Variants in FAAH2 observed in about 807,000 individuals in gnomAD.
FAAH2 encodes the protein fatty-acid amide hydrolase 2.
Under a neutral mutation model 36.9 loss-of-function variants are expected in FAAH2, and 60 were observed. The observed-to-expected ratio is 1.63, with a 90% confidence interval of 1.32 to 2.02. FAAH2 has a LOEUF of 2.02. FAAH2 is among the 30% of genes most tolerant of loss of function. FAAH2 has a pLI of 0.00. For missense variants in FAAH2, 689 were observed against 397.5 expected, an observed-to-expected ratio of 1.73 and a Z score of -6.23; for synonymous variants, 214 against 143.8, an observed-to-expected ratio of 1.49 and a Z score of -3.49.
intron 2 of FAAH2, among the ~76,000 whole-genome samples, chrX:57,304,284 A>G (rs1440289454): frequency 8.9e-6 from 1 of 112,333 alleles, no homozygotes; most frequent in Non-Finnish European, 1.9e-5. Flanking sequence ...TTTCCACTGC[A>G]AAGAACAGAA....
the FAAH2 span, among the ~76,000 whole-genome samples, chrX:57,216,139 G>A: frequency 1.9e-5 from 2 of 107,704 alleles, no homozygotes; most frequent in African/African-American, 6.7e-5. Flanking sequence ...TTGTTTTTCT[G>A]TAAGTTATTG....
chrX:57,467,174 C>T (rs1018568994), intron 10 of FAAH2, among the ~76,000 whole-genome samples: 12 of 111,295 alleles, frequency 1.1e-4, no homozygotes, highest in African/African-American at 2.6e-4. Context: ...CCAGCATGAG[C>T]GACGCAGAAG....
chrX:57,440,483 A>T lies in FAAH2; in HGVS notation c.1117-6445A>T, dbSNP rs552707672. Among the ~76,000 whole-genome samples, 358 of 111,871 alleles carry T rather than the reference A, an allele frequency of 3.2e-3. 2 individuals are homozygous for T. The highest frequency in any genetic ancestry group is 4.6e-3 in the Middle Eastern group (1 of 217). ...TGAGACTTTGCTGAAGTTGCTTATC[A>T]GCTTAAGGAGATTTTGGGCTGATAG... On this transcript the variant is annotated intron_variant, in intron 8 of 10. Transcript: ENST00000374900.
chrX:57,250,525 A>T, the FAAH2 span, among the ~76,000 whole-genome samples: 1 of 111,413 alleles, frequency 9.0e-6, no homozygotes, highest in African/African-American at 3.3e-5. Flanking sequence ...CACCAAAAAA[A>T]ATAGTGCGTT....
At chrX:57,426,106 A>T (rs1228888425) in intron 7 of FAAH2, among the ~76,000 whole-genome samples, 1 of 111,930 alleles carries the variant, frequency 8.9e-6, no homozygotes, top group Non-Finnish European at 1.9e-5. Context: ...ATAGAATGAG[A>T]TAGAAATAAT....
intron 3 of FAAH2, among the ~76,000 whole-genome samples, chrX:57,315,498 CA>C (rs1265530186): frequency 1.8e-5 from 2 of 111,173 alleles, no homozygotes; most frequent in Admixed American, 1.9e-4. Context: ...AACATAAACT[CA>C]AAAATCCTCA....
At chrX:57,268,110 A>T in the FAAH2 span, among the ~76,000 whole-genome samples, 1 of 112,040 alleles carries the variant, frequency 8.9e-6, no homozygotes, top group Non-Finnish European at 1.9e-5. Context: ...ATGATAAAAA[A>T]TTACAGAAGC....
chrX:57,317,007 T>C (rs899176392), intron 3 of FAAH2, among the ~76,000 whole-genome samples: 1 of 111,651 alleles, frequency 9.0e-6, no homozygotes, highest in Admixed American at 9.6e-5. Flanking sequence ...AGGTCTAATA[T>C]CCAGAATCTA....
chrX:57,211,086 A>C, the FAAH2 span, among the ~76,000 whole-genome samples: 1 of 112,249 alleles, frequency 8.9e-6, no homozygotes, highest in Non-Finnish European at 1.9e-5. Context: ...CTGATGAATG[A>C]AATCAATAAA....
chrX:57,241,096 G>A, the FAAH2 span, among the ~76,000 whole-genome samples: 1 of 112,229 alleles, frequency 8.9e-6, no homozygotes, highest in African/African-American at 3.2e-5. Context: ...TCCCCAAGAA[G>A]CTCTTTCTGC....
chrX:57,334,027 T>G (rs1315176972), intron 4 of FAAH2, among the ~76,000 whole-genome samples: 1 of 111,109 alleles, frequency 9.0e-6, no homozygotes, highest in Non-Finnish European at 1.9e-5. Context: ...GAGTCCACTT[T>G]GGGAGGCCAA....
the FAAH2 span, among the ~76,000 whole-genome samples, chrX:57,268,714 G>T: frequency 9.0e-6 from 1 of 111,416 alleles, no homozygotes; most frequent in African/African-American, 3.3e-5. Context: ...TTAAGGAAAA[G>T]AAATTCCAAC....
At chrX:57,217,767 C>G in the FAAH2 span, among the ~76,000 whole-genome samples, 26 of 111,609 alleles carry the variant, frequency 2.3e-4, no homozygotes, top group African/African-American at 7.8e-4. Flanking sequence ...TATATGGGCT[C>G]TTTTTTGTTT....
chrX:57,208,022 G>A, the FAAH2 span, among the ~76,000 whole-genome samples: 5 of 112,619 alleles, frequency 4.4e-5, no homozygotes, highest in Non-Finnish European at 9.4e-5. Context: ...TGTTGATCTG[G>A]GGGGTGTATT....
At chrX:57,126,860 A>C in the FAAH2 span, 6 of 111,787 alleles carry the variant, frequency 5.4e-5, no homozygotes, top group Non-Finnish European at 1.1e-4. Context: ...AGAAGCAGGA[A>C]ATAATGTTAC....
intron 7 of FAAH2, among the ~76,000 whole-genome samples, chrX:57,414,834 T>A (rs1268181338): frequency 9.3e-6 from 1 of 107,325 alleles, no homozygotes; most frequent in African/African-American, 3.4e-5. Context: ...TGACTGTAAA[T>A]TCATCTTGTC....
the FAAH2 span, among the ~76,000 whole-genome samples, chrX:57,148,016 T>C: frequency 2.7e-5 from 3 of 111,754 alleles, no homozygotes; most frequent in African/African-American, 9.8e-5. Flanking sequence ...TGCTGATGAA[T>C]AGAATGTACA....
At chrX:57,427,512 T>C (rs2056191164) in intron 7 of FAAH2, among the ~76,000 whole-genome samples, 1 of 111,536 alleles carries the variant, frequency 9.0e-6, no homozygotes, top group African/African-American at 3.3e-5. Flanking sequence ...CTCAACAAAA[T>C]TTTAACTAAC....
Position 57,339,074 on chromosome X carries a change from C to T in FAAH2, c.623-2197C>T, listed in dbSNP as rs948827856. On this transcript the variant is annotated intron_variant, in intron 4 of 10. Coordinates refer to ENST00000374900, the MANE Select transcript of FAAH2 (RefSeq NM_174912.4). ...CTGGTACCAAAACAAACACATAGAC[C>T]AATGGAGTAGAATAGACAACTCAGA... Among the ~76,000 whole-genome samples the T allele has an allele frequency of 1.2e-4, 13 of 111,152 alleles. No homozygotes were observed. The East Asian group carries it at 3.4e-3, about 29-fold the overall frequency.
Sources: gnomAD v4.1 joint callset for allele counts (sites outside exome capture counted in the v4.1 genomes callset) on GRCh38, gnomAD v4.1.1 for gene constraint, MANE v1.5 for transcripts, NCBI Gene and HGNC (gene_info 2026-07-23, HGNC 2026-07-21) for gene names.